MTMR3: variants seen among roughly 807,000 people sequenced by gnomAD.
The protein encoded by MTMR3 is myotubularin related protein 3.
In MTMR3, 32 loss-of-function variants were observed where a neutral mutation model predicts 132.4. The observed-to-expected ratio is 0.24, with a 90% confidence interval of 0.18 to 0.32. The LOEUF (loss-of-function observed/expected upper bound fraction) is 0.32, where lower values mean the gene tolerates loss of function less well. MTMR3 is among the 10% of genes least tolerant of loss of function. The pLI is 1.00. For synonymous variants in MTMR3, 556 were observed against 550.3 expected, an observed-to-expected ratio of 1.01 and a Z score of -0.14; for missense variants, 1,216 against 1,489.6, an observed-to-expected ratio of 0.82 and a Z score of 3.02.
chr22:29,898,608 AC>A (rs2145721172), intron 1 of MTMR3, among the ~76,000 whole-genome samples: 1 of 152,096 alleles, frequency 6.6e-6, no homozygotes, highest in African/African-American at 2.4e-5. Context: ...TTGTCCTGTT[AC>A]CCAGGCTGCC....
intron 5 of MTMR3, chr22:29,981,110 T>C (rs764257578): frequency 1.4e-5 from 2 of 147,470 alleles, no homozygotes; most frequent in Admixed American, 6.6e-5. Flanking sequence ...CTACACTCTT[T>C]CTTTGCTTTG....
intron 1 of MTMR3, among the ~76,000 whole-genome samples, chr22:29,902,430 C>T (rs549994440): frequency 3.9e-5 from 5 of 129,258 alleles, no homozygotes; most frequent in Admixed American, 2.6e-4. Context: ...TTTTTTGAGA[C>T]GGAGTCTCGC....
chr22:29,899,521 T>C (rs2064965020), intron 1 of MTMR3: 1 of 152,230 alleles, frequency 6.6e-6, no homozygotes, highest in Non-Finnish European at 1.5e-5. Context: ...CAGTATTGAT[T>C]AGTTCATCCC....
At chr22:29,932,947 GTTTA>G (rs2065674215) in intron 1 of MTMR3, among the ~76,000 whole-genome samples, 2 of 151,976 alleles carry the variant, frequency 1.3e-5, no homozygotes, top group Non-Finnish European at 1.5e-5. Context: ...ATACTTGAGA[GTTTA>G]TTTCTTTTTA....
chr22:29,930,521 G>A (rs1456115506), intron 1 of MTMR3, among the ~76,000 whole-genome samples: 1 of 152,118 alleles, frequency 6.6e-6, no homozygotes, highest in Non-Finnish European at 1.5e-5. Flanking sequence ...GCAACATGGC[G>A]AAACCCTGTC....
chr22:30,027,489 AG>A lies in MTMR3; in HGVS notation c.*1689del, dbSNP rs1162604498. 1 of 152,790 alleles carries A rather than the reference AG, an allele frequency of 6.5e-6. No homozygotes were observed. Among genetic ancestry groups the A allele is most frequent in the Admixed American group, 6.5e-5 (1 of 15,282 alleles). 9.5% of individuals were successfully genotyped at this position (152,790 alleles called of 1,614,324 possible). A position where few individuals can be genotyped will look rare whatever the true frequency, so the allele number is the denominator to read the frequency against. On this transcript the variant is annotated 3_prime_UTR_variant, in exon 20 of 20. Transcript: ENST00000401950. ...GTTTGAACGTGGTGAAACAGGGTGT[AG>A]TTCTTTTCCACATTCTGTGTCATCT... is the stretch of plus-strand genomic sequence containing the variant.
intron 1 of MTMR3, among the ~76,000 whole-genome samples, chr22:29,947,816 A>G (rs2065981172): frequency 6.6e-6 from 1 of 152,132 alleles, no homozygotes; most frequent in Admixed American, 6.5e-5. Flanking sequence ...ACATGAGATA[A>G]ATATTACTAA....
chr22:30,022,483 TCTG>T, intron 18 of MTMR3, 123 bp from the exon 19 acceptor site: 2 of 780,852 alleles, frequency 2.6e-6, no homozygotes, highest in Non-Finnish European at 4.3e-6. Flanking sequence ...TGACATCAGA[TCTG>T]CTGGGCTGGT....
intron 12 of MTMR3, chr22:30,012,120 A>G (rs2067446975): frequency 2.5e-6 from 1 of 404,790 alleles, no homozygotes; most frequent in African/African-American, 2.1e-5. Context: ...AATCATCCAT[A>G]CAGATTTTGG....
intron 1 of MTMR3, among the ~76,000 whole-genome samples, chr22:29,933,631 TA>T (rs1429913147): frequency 6.6e-6 from 1 of 152,136 alleles, no homozygotes; most frequent in Non-Finnish European, 1.5e-5. Flanking sequence ...TATCTTCACA[TA>T]ATTTTTGAAC....
In MTMR3 at chr22:30,028,107, T is replaced by C. The variant is rs2067945652; in HGVS notation, c.*2306T>C. On this transcript the variant is annotated 3_prime_UTR_variant, in exon 20 of 20. Coordinates refer to ENST00000401950, the MANE Select transcript of MTMR3 (RefSeq NM_021090.4). ...TAAAAGAGGGCAAAGCAGTCAGGGATCTGACCTGGCAGCTATTCCTCCTTC... is the reference window on the plus strand; with the variant it reads ...TAAAAGAGGGCAAAGCAGTCAGGGACCTGACCTGGCAGCTATTCCTCCTTC... 1 of 152,406 alleles carries C rather than the reference T, an allele frequency of 6.6e-6. No individual in the cohort carries two copies. 9.4% of individuals were successfully genotyped at this position (152,406 alleles called of 1,614,324 possible). A position where few individuals can be genotyped will look rare whatever the true frequency, so the allele number is the denominator to read the frequency against.
At chr22:29,891,624 G>A (rs934083560) in intron 1 of MTMR3, among the ~76,000 whole-genome samples, 37 of 151,972 alleles carry the variant, frequency 2.4e-4, no homozygotes, top group African/African-American at 8.9e-4. Flanking sequence ...CTAGAGACGG[G>A]ATTTTGCCAT....
At chr22:29,958,046 A>G (rs1399666071) in intron 2 of MTMR3, among the ~76,000 whole-genome samples, 1 of 152,174 alleles carries the variant, frequency 6.6e-6, no homozygotes, top group East Asian at 1.9e-4. Context: ...TCAGGGATCC[A>G]CAGGGGGTCT....
At chr22:29,906,302 A>G (rs62228019) in intron 1 of MTMR3, among the ~76,000 whole-genome samples, 1,011 of 92,284 alleles carry the variant, frequency 0.011, 9 homozygotes, top group Middle Eastern at 0.034. Flanking sequence ...CTATCTATCT[A>G]TCTATCTATC....
rs551827838 is a variant in MTMR3 at position 29,919,358 on chromosome 22, T to C, written c.-138+35999T>C. 2.4e-3 allele frequency among the ~76,000 whole-genome samples: 365 copies of C among 152,334 alleles called. 1 individual carries two copies. Among genetic ancestry groups the C allele is most frequent in the African/African-American group, 8.2e-3 (340 of 41,574 alleles). On this transcript the variant is annotated intron_variant, in intron 1 of 19. Transcript: ENST00000401950. ...TTTCTCACGTATCTGGTGAAGTGGTTTAAACTGTCCAATTTTATGTGCATT... is the reference window on the plus strand; with the variant it reads ...TTTCTCACGTATCTGGTGAAGTGGTCTAAACTGTCCAATTTTATGTGCATT...
At chr22:29,895,070 C>T (rs1209653642) in intron 1 of MTMR3, among the ~76,000 whole-genome samples, 6 of 151,940 alleles carry the variant, frequency 3.9e-5, no homozygotes, top group South Asian at 2.1e-4. Context: ...TAACGGGGCG[C>T]GGTGGTGGGC....
chr22:29,942,437 C>T (rs955008193), intron 1 of MTMR3, among the ~76,000 whole-genome samples: 53 of 152,122 alleles, frequency 3.5e-4, no homozygotes, highest in African/African-American at 9.2e-4. Context: ...AATGAAGTTT[C>T]GGGCACGCAT....
At chr22:29,987,344 C>T (rs985946329) in intron 5 of MTMR3, 1 of 152,146 alleles carries the variant, frequency 6.6e-6, no homozygotes, top group Admixed American at 6.5e-5. Flanking sequence ...TCAGCTAACA[C>T]GAGGGCCAGC....
chr22:29,890,804 G>T (rs2064781863), intron 1 of MTMR3, among the ~76,000 whole-genome samples: 1 of 152,164 alleles, frequency 6.6e-6, no homozygotes, highest in African/African-American at 2.4e-5. Context: ...CAAGGGAGTG[G>T]TGTAGACCAG....
Sources: allele counts gnomAD v4.1 joint callset (sites outside exome capture counted in the v4.1 genomes callset), GRCh38; gene constraint gnomAD v4.1.1; transcripts MANE v1.5; gene names NCBI Gene and HGNC (gene_info 2026-07-23, HGNC 2026-07-21).